Variants in TOPAZ1 observed in about 807,000 individuals in gnomAD.
TOPAZ1 encodes testis and ovary specific TOPAZ 1, also known as protein TOPAZ1.
In TOPAZ1, 66 loss-of-function variants were observed where a neutral mutation model predicts 172.2. The ratio of observed to expected loss-of-function variants is 0.38; its 90% CI spans 0.31 to 0.47. The LOEUF is 0.47. Ranked by LOEUF, TOPAZ1 falls within the 20% of genes least tolerant of loss-of-function variation. The probability of loss-of-function intolerance (pLI) is 0.99; values close to 1 mark genes in which losing one functional copy is unlikely to be tolerated. For synonymous variants in TOPAZ1, 681 were observed against 683.9 expected (o/e 1.00, Z 0.07); for missense variants, 1,822 against 1,972.4 (o/e 0.92, Z 1.44).
chr3:44,296,156 G>C (rs1700191361), intron 12 of TOPAZ1, among the ~76,000 whole-genome samples: 2 of 152,116 alleles, frequency 1.3e-5, no homozygotes, highest in South Asian at 4.1e-4. Flanking sequence ...TAAGTGAACT[G>C]TTAGAACTGA....
At chr3:44,305,617 A>T (rs1575729682) in intron 14 of TOPAZ1, among the ~76,000 whole-genome samples, 1 of 152,088 alleles carries the variant, frequency 6.6e-6, no homozygotes. Context: ...GGATCCTCCC[A>T]CCTCAGCCTC....
chr3:44,311,887 A>C (rs1700400995), intron 16 of TOPAZ1, among the ~76,000 whole-genome samples: 3 of 152,170 alleles, frequency 2.0e-5, no homozygotes, highest in African/African-American at 7.2e-5. Flanking sequence ...GTTTGGTGAT[A>C]TGCTTTTTGT....
Position 44,243,915 on chromosome 3 carries a change from A to T in TOPAZ1, c.1409A>T (p.Asp470Val), listed in dbSNP as rs1006576283. Residue 470 changes from aspartate to valine, a missense_variant, in exon 2 of 20, where the codon GAC becomes GTC. Transcript: ENST00000309765. ...YHIERRSSRE[D>V]LRSASEELKL... ...ATTGAAAGGAGATCTTCACGGGAAG[A>T]CTTAAGAAGTGCATCTGAAGAATTG... The T allele has an allele frequency of 3.9e-6, 6 of 1,552,306 alleles. No homozygotes were observed. The highest frequency in any genetic ancestry group is 5.2e-6 in the Non-Finnish European group (6 of 1,147,072).
At position 44,282,075 on chromosome 3, in the gene TOPAZ1, G is replaced by A. The variant is rs1049092045; in HGVS notation, c.3436+44G>A. ...ATTAGTATGAAGCTATTAATGTGTT[G>A]TTTGAAAATAGTTTAAAAGTAAATT... On this transcript the variant is annotated intron_variant, in intron 9 of 19. Transcript: ENST00000309765. 3.9e-6 allele frequency: 5 copies of A among 1,273,460 alleles called. No individual in the cohort carries two copies. The African/African-American group carries it at 6.1e-5, about 15-fold the overall frequency. The allele number at this position is 1,273,460 out of a possible 1,614,324, so 78.9% of individuals were successfully genotyped here.
intron 12 of TOPAZ1, among the ~76,000 whole-genome samples, chr3:44,298,292 C>T (rs114710730): frequency 0.034 from 5,200 of 152,084 alleles, 130 homozygotes; most frequent in Non-Finnish European, 0.056. Flanking sequence ...GGTGAAACCC[C>T]ATCTCTACAA....
intron 16 of TOPAZ1, among the ~76,000 whole-genome samples, chr3:44,318,154 C>T (rs1469503165): frequency 2.5e-5 from 1 of 40,282 alleles, no homozygotes; most frequent in Non-Finnish European, 5.0e-5. Context: ...GCTGGGGGCT[C>T]CACCTACTGA....
At chr3:44,315,744 A>T (rs1488751880) in intron 16 of TOPAZ1, among the ~76,000 whole-genome samples, 2 of 152,144 alleles carry the variant, frequency 1.3e-5, no homozygotes, top group East Asian at 3.9e-4. Context: ...TTAGTCTTTG[A>T]TTGAATACCA....
chr3:44,312,026 C>T (rs1700402492), intron 16 of TOPAZ1, among the ~76,000 whole-genome samples: 1 of 151,834 alleles, frequency 6.6e-6, no homozygotes, highest in Non-Finnish European at 1.5e-5. Flanking sequence ...GTACTGCACA[C>T]ACATTTATAC....
intron 2 of TOPAZ1, among the ~76,000 whole-genome samples, chr3:44,251,568 T>C (rs1408930804): frequency 6.6e-6 from 1 of 152,250 alleles, no homozygotes; most frequent in African/African-American, 2.4e-5. Context: ...AGATAGGAAA[T>C]TATAGGTTTA....
At chr3:44,277,183 G>A (rs1699970040) in intron 8 of TOPAZ1, among the ~76,000 whole-genome samples, 1 of 152,094 alleles carries the variant, frequency 6.6e-6, no homozygotes, top group African/African-American at 2.4e-5. Flanking sequence ...TCTTTCATCA[G>A]TGCCTTGTGG....
intron 4 of TOPAZ1, among the ~76,000 whole-genome samples, chr3:44,257,165 C>T (rs991643488): frequency 6.6e-6 from 1 of 150,780 alleles, no homozygotes; most frequent in Non-Finnish European, 1.5e-5. Flanking sequence ...CTTGTCTCTA[C>T]AAAAAAAAAT....
chr3:44,311,461 T>A (rs1700396946), intron 16 of TOPAZ1, among the ~76,000 whole-genome samples: 1 of 152,248 alleles, frequency 6.6e-6, no homozygotes, highest in Non-Finnish European at 1.5e-5. Context: ...TCTGAAAGTT[T>A]GTGGCAAAAC....
chr3:44,257,412 T>TGTGTGTGTG (rs1321624131), intron 4 of TOPAZ1, among the ~76,000 whole-genome samples: 11 of 122,846 alleles, frequency 9.0e-5, no homozygotes, highest in African/African-American at 1.8e-4. Flanking sequence ...TGTGTGTCTA[T>TGTGTGTGTG]TTTATATATT....
chr3:44,259,322 G>T (rs1440857070), intron 4 of TOPAZ1, among the ~76,000 whole-genome samples: 1 of 151,786 alleles, frequency 6.6e-6, no homozygotes, highest in Non-Finnish European at 1.5e-5. Context: ...GTTTATGGTT[G>T]TTATCTGCAG....
In TOPAZ1 at chr3:44,267,071, T is replaced by C; in HGVS notation, c.3095T>C (p.Leu1032Ser). The change falls in exon 6 of 20, where the codon TTA becomes TCA. Residue 1032 changes from leucine to serine, a missense_variant. By Grantham distance (145) the Leu-to-Ser change is moderately radical. This residue lies in a region of TOPAZ1 where 1,489 missense variants were observed against 1,490.8 expected (regional missense o/e 1.00). Transcript: ENST00000309765. ...GTACCAGTCCCGAAACCTCTGTGTT[T>C]ATTAGTACCTCCTTTGAATCTAAGT... ...FAVPVPKPLCLLVPPLNLSGR... is the reference protein window; with the variant it reads ...FAVPVPKPLCSLVPPLNLSGR... The C allele has an allele frequency of 1.3e-6, 2 of 1,549,566 alleles. No individual in the cohort carries two copies. Among genetic ancestry groups the C allele is most frequent in the Non-Finnish European group, 1.7e-6 (2 of 1,145,972 alleles).
chr3:44,264,420 T>A (rs1421225174), intron 5 of TOPAZ1, among the ~76,000 whole-genome samples: 1 of 152,222 alleles, frequency 6.6e-6, no homozygotes, highest in African/African-American at 2.4e-5. Context: ...ATTATGTCTT[T>A]AAAAAATGTA....
At position 44,321,133 on chromosome 3, in the gene TOPAZ1, C is replaced by A; in HGVS notation, c.4413C>A (p.Ser1471Arg). The A allele has an allele frequency of 6.5e-7, 1 of 1,549,626 alleles. No homozygotes were observed. The highest frequency in any genetic ancestry group is 1.2e-5 in the South Asian group (1 of 83,590). The change falls in exon 17 of 20, where the codon AGC (serine) becomes AGA (arginine). Residue 1471 changes from serine to arginine, a missense_variant. Coordinates refer to ENST00000309765, the MANE Select transcript of TOPAZ1 (RefSeq NM_001145030.2). ...TTGCACATGAAATCTTAGCCAAGAGCCTTTATAGACAGACATTTGAAGTTT... is the reference window on the plus strand; with the variant it reads ...TTGCACATGAAATCTTAGCCAAGAGACTTTATAGACAGACATTTGAAGTTT... ...CTIAHEILAK[S>R]LYRQTFEVLQ...
At chr3:44,279,234 A>G (rs973494950) in intron 8 of TOPAZ1, among the ~76,000 whole-genome samples, 2 of 152,100 alleles carry the variant, frequency 1.3e-5, no homozygotes, top group Admixed American at 6.6e-5. Flanking sequence ...TTCGTTTTGT[A>G]TTCTAACATA....
chr3:44,291,331 C>T (rs761381085), intron 12 of TOPAZ1, among the ~76,000 whole-genome samples: 4 of 151,058 alleles, frequency 2.6e-5, no homozygotes, highest in Non-Finnish European at 4.4e-5. Flanking sequence ...AGCCAGGCGC[C>T]GTGGCTCACG....
Sources: allele counts gnomAD v4.1 joint callset (sites outside exome capture counted in the v4.1 genomes callset), GRCh38; gene constraint gnomAD v4.1.1; regional missense constraint gnomAD v4.1.1; transcripts MANE v1.5; gene names NCBI Gene and HGNC (gene_info 2026-07-23, HGNC 2026-07-21).